LPCAT3: variants seen among roughly 807,000 people sequenced by gnomAD.
LPCAT3 encodes lysophosphatidylcholine acyltransferase 3.
A neutral mutation model predicts 63.4 loss-of-function variants in LPCAT3; 21 were observed. The observed-to-expected ratio is 0.33, with a 90% CI of 0.23 to 0.48. The LOEUF (loss-of-function observed/expected upper bound fraction) is 0.48, where lower values mean the gene tolerates loss of function less well. Ranked by LOEUF, LPCAT3 falls within the 20% of genes least tolerant of loss-of-function variation. The probability of loss-of-function intolerance (pLI) is 0.99; values close to 1 mark genes in which losing one functional copy is unlikely to be tolerated. For synonymous variants in LPCAT3, 242 were observed against 227.5 expected (o/e 1.06, Z -0.58); for missense variants, 451 against 590.6 (o/e 0.76, Z 2.45).
intron 6 of LPCAT3, among the ~76,000 whole-genome samples, chr12:6,980,157 C>G (rs187448382): frequency 6.6e-6 from 1 of 151,974 alleles, no homozygotes; most frequent in African/African-American, 2.4e-5. Context: ...AAGCGATCCC[C>G]TTGCCTTGGC....
In LPCAT3 at chr12:6,981,650, G is replaced by A. The variant is rs782453727; in HGVS notation, c.461-18C>T. ...AGCCAAACCTGAGCAGAGAGAGAAC[G>A]GATGGGTAGGGTGGTGGGAGAGGAC... On this transcript the variant is annotated intron_variant, in intron 4 of 12. Transcript: ENST00000261407. 2.2e-5 allele frequency: 36 copies of A among 1,613,250 alleles called. No individual in the cohort carries two copies. The highest frequency in any genetic ancestry group is 1.7e-4 in the Middle Eastern group (1 of 6,056).
At chr12:6,991,334 C>T (rs1328798362) in intron 1 of LPCAT3, among the ~76,000 whole-genome samples, 3 of 152,150 alleles carry the variant, frequency 2.0e-5, no homozygotes, top group Non-Finnish European at 2.9e-5. Flanking sequence ...CAGTTAGGAA[C>T]TTTTGTTATA....
intron 6 of LPCAT3, among the ~76,000 whole-genome samples, chr12:6,980,171 C>T (rs1428977142): frequency 6.6e-6 from 1 of 152,028 alleles, no homozygotes; most frequent in East Asian, 1.9e-4. Context: ...CCTTGGCCAC[C>T]TGAGTAGCTG....
chr12:6,999,391 C>A (rs1483288247), intron 1 of LPCAT3, among the ~76,000 whole-genome samples: 1 of 152,130 alleles, frequency 6.6e-6, no homozygotes, highest in African/African-American at 2.4e-5. Context: ...TAGTTGTTAC[C>A]TGTGAGAAAG....
At chr12:7,002,026 G>A (rs1425197335) in intron 1 of LPCAT3, among the ~76,000 whole-genome samples, 4 of 152,134 alleles carry the variant, frequency 2.6e-5, no homozygotes, top group Admixed American at 6.5e-5. Flanking sequence ...TTCGGTCCAG[G>A]AGTGGAAAGG....
intron 1 of LPCAT3, among the ~76,000 whole-genome samples, chr12:6,991,694 ACTGT>A (rs1946591453): frequency 6.6e-6 from 1 of 152,188 alleles, no homozygotes; most frequent in Non-Finnish European, 1.5e-5. Flanking sequence ...GTTTCAAGAG[ACTGT>A]CTGCCAGATG....
chr12:7,015,870 C>T (rs891541200), intron 1 of LPCAT3, among the ~76,000 whole-genome samples: 1 of 151,976 alleles, frequency 6.6e-6, no homozygotes, highest in Non-Finnish European at 1.5e-5. Flanking sequence ...CTGTATGCCC[C>T]GTGACAGTAC....
chr12:6,996,399 CTTG>C (rs1946636208), intron 1 of LPCAT3, among the ~76,000 whole-genome samples: 1 of 152,126 alleles, frequency 6.6e-6, no homozygotes, highest in Non-Finnish European at 1.5e-5. Flanking sequence ...TCACACACTT[CTTG>C]TTCTTCTTTC....
intron 9 of LPCAT3, 192 bp downstream of exon 9, chr12:6,978,146 CCTT>C (rs1555153559): frequency 1.5e-6 from 1 of 655,120 alleles, no homozygotes; most frequent in Admixed American, 3.1e-5. Context: ...TTATATCTTG[CCTT>C]TTTTTCAAAT....
intron 3 of LPCAT3, 115 bp downstream of exon 3, chr12:6,982,561 T>A: frequency 2.7e-6 from 2 of 733,780 alleles, no homozygotes; most frequent in Non-Finnish European, 4.7e-6. Context: ...TGCTAAGTGC[T>A]GGGAGAGGGG....
chr12:7,004,320 G>A (rs1360788660), intron 1 of LPCAT3, among the ~76,000 whole-genome samples: 18 of 152,278 alleles, frequency 1.2e-4, no homozygotes, highest in Admixed American at 9.8e-4. Context: ...ACTAGCAGCT[G>A]ACATTTTTGG....
Position 7,018,174 on chromosome 12 carries a change from C to G in LPCAT3, c.151+100G>C. On this transcript the variant is annotated intron_variant, in intron 1 of 12. Coordinates refer to ENST00000261407, the MANE Select transcript of LPCAT3 (RefSeq NM_005768.6). The surrounding 1 kb of genome is among the most constrained non-coding windows in gnomAD (Gnocchi z 4.9). ...ATTCACACCCGCACCCGGCACAGCC[C>G]TCCCGGGTGGCTCCGGGAAGAGAGG... 7.1e-7 allele frequency: 1 copy of G among 1,406,522 alleles called. No individual in the cohort carries two copies. Among genetic ancestry groups the G allele is most frequent in the Non-Finnish European group, 9.8e-7 (1 of 1,020,652 alleles). The allele number at this position is 1,406,522 out of a possible 1,614,324, so 87.1% of individuals were successfully genotyped here. A position where few individuals can be genotyped will look rare whatever the true frequency, so the allele number is the denominator to read the frequency against.
intron 1 of LPCAT3, among the ~76,000 whole-genome samples, chr12:6,989,122 CAA>C (rs782103069): frequency 4.5e-5 from 6 of 132,602 alleles, no homozygotes; most frequent in Admixed American, 1.5e-4. Context: ...AACTCCATCT[CAA>C]AAAAAAAAAA....
intron 1 of LPCAT3, among the ~76,000 whole-genome samples, chr12:7,005,976 A>G (rs1415362021): frequency 6.6e-6 from 1 of 152,196 alleles, no homozygotes; most frequent in Non-Finnish European, 1.5e-5. Flanking sequence ...CTATGTCAGC[A>G]TCTCAATATT....
chr12:6,994,427 C>T (rs948316956), intron 1 of LPCAT3, among the ~76,000 whole-genome samples: 1 of 152,046 alleles, frequency 6.6e-6, no homozygotes, highest in Admixed American at 6.6e-5. Flanking sequence ...AGGCTAGTCT[C>T]GAACTCCTGA....
intron 1 of LPCAT3, among the ~76,000 whole-genome samples, chr12:6,986,612 G>A (rs1426800293): frequency 1.3e-5 from 2 of 151,518 alleles, no homozygotes; most frequent in East Asian, 1.9e-4. Context: ...GTGAAATTCC[G>A]TCTCTACTAA....
chr12:7,014,268 G>A (rs185386428), intron 1 of LPCAT3, among the ~76,000 whole-genome samples: 2 of 152,314 alleles, frequency 1.3e-5, no homozygotes, highest in African/African-American at 4.8e-5. Context: ...TACACCCACT[G>A]CTCCTGCCCT....
rs888686489 is a variant in LPCAT3, at chr12:6,999,347, A to C, written c.152-15808T>G. On this transcript the variant is annotated intron_variant, in intron 1 of 12. Transcript: ENST00000261407. Reference sequence around the variant, plus strand: ...GATCAAAAATGTCTGAGGGAGGAACAATAGAGGGGACATTTTAAAGGTAAG... The same window carrying C: ...GATCAAAAATGTCTGAGGGAGGAACCATAGAGGGGACATTTTAAAGGTAAG... Among the ~76,000 whole-genome samples, 4 of 152,336 alleles carry C rather than the reference A, an allele frequency of 2.6e-5. No individual in the cohort carries two copies. In the South Asian group the frequency reaches 8.3e-4, roughly 32 times the overall value.
At chr12:6,995,285 C>G (rs1946627004) in intron 1 of LPCAT3, among the ~76,000 whole-genome samples, 5 of 152,064 alleles carry the variant, frequency 3.3e-5, no homozygotes, top group Admixed American at 3.3e-4. Flanking sequence ...ACCAGCCTGA[C>G]CAACATGGTG....
Sources: allele counts gnomAD v4.1 joint callset (sites outside exome capture counted in the v4.1 genomes callset), GRCh38; gene constraint gnomAD v4.1.1; non-coding constraint Gnocchi (gnomAD v3.1); transcripts MANE v1.5; gene names NCBI Gene and HGNC (gene_info 2026-07-23, HGNC 2026-07-21).